SPECC1: variants seen among roughly 807,000 people sequenced by gnomAD.
SPECC1 encodes cytospin-B.
A neutral mutation model predicts 104.1 loss-of-function variants in SPECC1; 62 were observed. The observed-to-expected ratio is 0.60, with a 90% CI of 0.49 to 0.74. The LOEUF is 0.74. Among genes scored for constraint, SPECC1 ranks in the 30% least tolerant of loss-of-function variants. The probability of loss-of-function intolerance (pLI) is 0.00; values close to 1 mark genes in which losing one functional copy is unlikely to be tolerated. For synonymous variants in SPECC1, 513 were observed against 501.6 expected (o/e 1.02, Z -0.30); for missense variants, 1,306 against 1,310.5 (o/e 1.00, Z 0.05).
intron 13 of SPECC1, among the ~76,000 whole-genome samples, chr17:20,299,764 G>A (rs765800123): frequency 2.0e-4 from 31 of 152,100 alleles, no homozygotes; most frequent in Admixed American, 1.6e-3. Flanking sequence ...ACATTCTGGG[G>A]GAAAGATTGT....
chr17:20,084,987 C>T (rs1179223384), intron 1 of SPECC1, among the ~76,000 whole-genome samples: 1 of 152,164 alleles, frequency 6.6e-6, no homozygotes, highest in Non-Finnish European at 1.5e-5. Context: ...AGGTCTGTGC[C>T]CAGACAAGGG....
intron 3 of SPECC1, among the ~76,000 whole-genome samples, chr17:20,156,613 C>A (rs554212659): frequency 6.6e-6 from 1 of 152,148 alleles, no homozygotes; most frequent in African/African-American, 2.4e-5. Flanking sequence ...CTCTCCCTGT[C>A]GGCCGCCGGC....
At chr17:20,119,919 C>G (rs1168121438) in intron 3 of SPECC1, among the ~76,000 whole-genome samples, 2 of 152,160 alleles carry the variant, frequency 1.3e-5, no homozygotes, top group Non-Finnish European at 2.9e-5. Flanking sequence ...TGACATGATG[C>G]TCAAAGGAAA....
chr17:20,021,427 G>A (rs971690728), intron 1 of SPECC1, among the ~76,000 whole-genome samples: 4 of 151,838 alleles, frequency 2.6e-5, no homozygotes, highest in Admixed American at 1.3e-4. Flanking sequence ...TGTCCATCTC[G>A]TCTCCTGTAG....
chr17:20,163,213 G>A (rs890212684), intron 3 of SPECC1, among the ~76,000 whole-genome samples: 2 of 152,080 alleles, frequency 1.3e-5, no homozygotes, highest in South Asian at 2.1e-4. Context: ...TTGTTTATAC[G>A]TTACTTTGAT....
chr17:20,225,071 C>T (rs747920195), intron 4 of SPECC1, among the ~76,000 whole-genome samples: 1 of 152,066 alleles, frequency 6.6e-6, no homozygotes, highest in African/African-American at 2.4e-5. Context: ...CAGGCTATGT[C>T]TAGAAATGTT....
At chr17:20,209,790 G>T (rs1236360363) in intron 4 of SPECC1, among the ~76,000 whole-genome samples, 1 of 152,172 alleles carries the variant, frequency 6.6e-6, no homozygotes, top group Non-Finnish European at 1.5e-5. Context: ...ACAATAACAT[G>T]ACCCAGCTTT....
At position 20,316,939 on chromosome 17, in the gene SPECC1, G is replaced by C. The variant is rs1270303760; in HGVS notation, c.*2874G>C. On this transcript the variant is annotated 3_prime_UTR_variant, in exon 15 of 15. Transcript: ENST00000395527. Reference sequence around the variant, plus strand: ...GGAGCCCAAGTTGCCAATGACTGTGGCCAAACTCCCCCATTTTTGTCTGTA... The same window carrying C: ...GGAGCCCAAGTTGCCAATGACTGTGCCCAAACTCCCCCATTTTTGTCTGTA... The C allele has an allele frequency of 4.6e-6, 1 of 216,528 alleles. No homozygotes were observed. Among genetic ancestry groups the C allele is most frequent in the Non-Finnish European group, 9.3e-6 (1 of 107,574 alleles). The allele number at this position is 216,528 out of a possible 1,614,324, so 13.4% of individuals were successfully genotyped here.
At chr17:20,067,823 T>C (rs1048620407) in intron 1 of SPECC1, among the ~76,000 whole-genome samples, 7 of 152,100 alleles carry the variant, frequency 4.6e-5, no homozygotes, top group Admixed American at 3.9e-4. Flanking sequence ...TTCTAGAACA[T>C]TACCCCCCCG....
intron 1 of SPECC1, among the ~76,000 whole-genome samples, chr17:20,084,384 G>A (rs1230617738): frequency 6.6e-6 from 1 of 152,156 alleles, no homozygotes; most frequent in Non-Finnish European, 1.5e-5. Context: ...AGCCGAGACT[G>A]TGCCGTTGCC....
chr17:20,185,168 A>T (rs1285802715), intron 3 of SPECC1: 1 of 152,240 alleles, frequency 6.6e-6, no homozygotes, highest in Non-Finnish European at 1.5e-5. Context: ...GGTGGAGCAG[A>T]TTGCATTTTC....
intron 3 of SPECC1, among the ~76,000 whole-genome samples, chr17:20,128,784 T>TA (rs1473525529): frequency 6.6e-6 from 1 of 152,114 alleles, no homozygotes; most frequent in Non-Finnish European, 1.5e-5. Context: ...TCTCAAAGGT[T>TA]AAAAAAATTA....
chr17:20,125,306 C>T (rs548930033), intron 3 of SPECC1, among the ~76,000 whole-genome samples: 2 of 152,320 alleles, frequency 1.3e-5, no homozygotes, highest in African/African-American at 4.8e-5. Context: ...ACTGAATGCG[C>T]GTCATGTTTG....
intron 1 of SPECC1, among the ~76,000 whole-genome samples, chr17:20,053,886 T>C (rs1215505863): frequency 6.6e-6 from 1 of 152,214 alleles, no homozygotes; most frequent in African/African-American, 2.4e-5. Context: ...AGCTGCTAAA[T>C]GGTTGTCAGT....
At chr17:20,084,378 G>A (rs1012532482) in intron 1 of SPECC1, among the ~76,000 whole-genome samples, 2 of 152,284 alleles carry the variant, frequency 1.3e-5, no homozygotes, top group South Asian at 2.1e-4. Flanking sequence ...GCAGTGAGCC[G>A]AGACTGTGCC....
In SPECC1 at chr17:20,260,187, A is replaced by G; in HGVS notation, c.2838-5A>G. On this transcript the variant is annotated splice_polypyrimidine_tract_variant and splice_region_variant and intron_variant, in intron 11 of 14. Transcript: ENST00000395527. ...TCCTTACCATGTGCTCTTCTTTCTA[A>G]CCAGTGTGGAAAGAAAAGACCCTCT... is the stretch of plus-strand genomic sequence containing the variant. 1 of 1,609,956 alleles carries G rather than the reference A, an allele frequency of 6.2e-7. No homozygotes were observed. Among genetic ancestry groups the G allele is most frequent in the Non-Finnish European group, 8.5e-7 (1 of 1,176,790 alleles).
At chr17:20,215,388 A>G (rs2151402219) in intron 4 of SPECC1, among the ~76,000 whole-genome samples, 1 of 152,342 alleles carries the variant, frequency 6.6e-6, no homozygotes, top group South Asian at 2.1e-4. Context: ...ACTATATAAT[A>G]AACAGATTAA....
intron 3 of SPECC1, among the ~76,000 whole-genome samples, chr17:20,165,283 C>T (rs1170443600): frequency 2.0e-5 from 3 of 152,128 alleles, no homozygotes; most frequent in Non-Finnish European, 4.4e-5. Context: ...GTTAAGCTTC[C>T]ATTTATAAGC....
At chr17:20,127,233 C>A (rs891151586) in intron 3 of SPECC1, among the ~76,000 whole-genome samples, 3 of 152,034 alleles carry the variant, frequency 2.0e-5, no homozygotes, top group African/African-American at 7.2e-5. Flanking sequence ...TTGAAATCTC[C>A]CATTTCTACC....
Sources: gnomAD v4.1 joint callset for allele counts (sites outside exome capture counted in the v4.1 genomes callset) on GRCh38, gnomAD v4.1.1 for gene constraint, MANE v1.5 for transcripts, NCBI Gene and HGNC (gene_info 2026-07-23, HGNC 2026-07-21) for gene names.